The following ALPK2 variants were observed in gnomAD, a reference collection of about 807,000 sequenced individuals.
ALPK2 encodes alpha-protein kinase 2.
Under a neutral mutation model 163.1 loss-of-function variants are expected in ALPK2, and 127 were observed. The ratio of observed to expected loss-of-function variants is 0.78; its 90% CI spans 0.67 to 0.90. The LOEUF is 0.90. ALPK2 is among the 40% of genes least tolerant of loss of function. ALPK2 has a pLI of 0.00. For synonymous variants in ALPK2, 953 were observed against 959.1 expected (o/e 0.99, Z 0.12); for missense variants, 2,360 against 2,589.6 (o/e 0.91, Z 1.92).
At chr18:58,584,082 T>G (rs2051973858) in intron 3 of ALPK2, among the ~76,000 whole-genome samples, 1 of 152,036 alleles carries the variant, frequency 6.6e-6, no homozygotes, top group South Asian at 2.1e-4. Context: ...TTTAAATTCT[T>G]AACAACTAAA....
At chr18:58,521,625 C>CTTTTTTTTTT (rs1375364902) in intron 8 of ALPK2, among the ~76,000 whole-genome samples, 4 of 50,560 alleles carry the variant, frequency 7.9e-5, no homozygotes, top group East Asian at 3.9e-4. Context: ...CTTTCTCTCT[C>CTTTTTTTTTT]TCTTTTTTTT....
chr18:58,608,240 TGAAGAGTTTG>T (rs1450612694), intron 2 of ALPK2, among the ~76,000 whole-genome samples: 1 of 152,212 alleles, frequency 6.6e-6, no homozygotes, highest in Non-Finnish European at 1.5e-5. Flanking sequence ...TTCCTGAGGA[TGAAGAGTTTG>T]GAATGTAGGC....
At chr18:58,600,782 A>C (rs2052065270) in intron 3 of ALPK2, 1 of 152,056 alleles carries the variant, frequency 6.6e-6, no homozygotes, top group African/African-American at 2.4e-5. Context: ...CTGGGTGAGC[A>C]CTCTCTGGTT....
chr18:58,517,866 G>A (rs868826213), intron 8 of ALPK2, among the ~76,000 whole-genome samples: 20 of 149,880 alleles, frequency 1.3e-4, no homozygotes, highest in Non-Finnish European at 2.2e-4. Flanking sequence ...AAGAGAAATC[G>A]AAAAAAAGGT....
rs2051661703 is a variant in ALPK2, at chr18:58,537,756, C to T, written c.2431G>A (p.Asp811Asn). The T allele has an allele frequency of 6.2e-7, 1 of 1,614,010 alleles. No individual in the cohort carries two copies. The highest frequency in any genetic ancestry group is 1.6e-4 in the Middle Eastern group (1 of 6,084). ...ATGGTATCAAAACACGTTCCTTGGT[C>T]ACCAGCCTCAAAACACTCCATTGCA... ...VCAMECFEAGDQGTCFDTIDS... is the reference protein window; with the variant it reads ...VCAMECFEAGNQGTCFDTIDS... Residue 811 changes from aspartate (D) to asparagine (N), a missense_variant, in exon 5 of 13, where the codon GAC becomes AAC. Transcript: ENST00000361673.
intron 4 of ALPK2, among the ~76,000 whole-genome samples, chr18:58,551,094 C>G (rs879693826): frequency 2.0e-5 from 3 of 147,246 alleles, no homozygotes; most frequent in Non-Finnish European, 4.5e-5. Flanking sequence ...TTTAGAAGGT[C>G]CCAGAAACAA....
chr18:58,569,208 G>T (rs1012619343), intron 4 of ALPK2, among the ~76,000 whole-genome samples: 3 of 152,158 alleles, frequency 2.0e-5, no homozygotes, highest in Non-Finnish European at 2.9e-5. Flanking sequence ...TCTTGGGGGG[G>T]AGAAAAAGTT....
intron 1 of ALPK2, among the ~76,000 whole-genome samples, chr18:58,622,196 A>G (rs2052205137): frequency 6.6e-6 from 1 of 151,788 alleles, no homozygotes; most frequent in Non-Finnish European, 1.5e-5. Context: ...AAAATACAAA[A>G]ATTAGCCGGG....
chr18:58,580,683 G>A, intron 3 of ALPK2, 135 bp from the exon 4 acceptor site: 1 of 919,698 alleles, frequency 1.1e-6, no homozygotes. Context: ...CCCTGGAAAA[G>A]AGTTTGTGGC....
At chr18:58,623,374 T>C (rs2052212443) in intron 1 of ALPK2, among the ~76,000 whole-genome samples, 1 of 152,028 alleles carries the variant, frequency 6.6e-6, no homozygotes, top group Non-Finnish European at 1.5e-5. Flanking sequence ...TCTAATCTTG[T>C]TCTAGTAAAT....
intron 4 of ALPK2, among the ~76,000 whole-genome samples, chr18:58,540,623 G>A (rs1410422459): frequency 1.3e-5 from 2 of 152,084 alleles, no homozygotes; most frequent in African/African-American, 4.8e-5. Flanking sequence ...GGAACTTCCT[G>A]GTCATTATGT....
At chr18:58,578,394 A>G (rs1406267698) in intron 4 of ALPK2, 1 of 157,960 alleles carries the variant, frequency 6.3e-6, no homozygotes, top group African/African-American at 2.4e-5. Flanking sequence ...GCAAATGACT[A>G]AAAACAATGT....
At position 58,578,916 on chromosome 18, in the gene ALPK2, G is replaced by C. The variant is rs2051938399; in HGVS notation, c.1860C>G (p.Asp620Glu). Residue 620 changes from aspartate (D) to glutamate (E), a missense_variant, in exon 4 of 13, where the codon GAC (aspartate) becomes GAG (glutamate). Transcript: ENST00000361673. ...QEAKTLQTST[D>E]SVSKEGNTNC... ...TTGTGTTGCCTTCTTTGGAGACTGA[G>C]TCTGTTGAAGTTTGAAGGGTTTTTG... 6.2e-7 allele frequency: 1 copy of C among 1,614,086 alleles called. No individual in the cohort carries two copies. The highest frequency in any genetic ancestry group is 1.3e-5 in the African/African-American group (1 of 74,920).
chr18:58,506,461 T>C (rs1469816324), intron 10 of ALPK2, among the ~76,000 whole-genome samples: 2 of 151,904 alleles, frequency 1.3e-5, no homozygotes, highest in Non-Finnish European at 2.9e-5. Flanking sequence ...AAGAGCTCAT[T>C]TGCCCCCACC....
At chr18:58,498,647 TG>T (rs2051413994) in intron 11 of ALPK2, among the ~76,000 whole-genome samples, 1 of 152,206 alleles carries the variant, frequency 6.6e-6, no homozygotes, top group Non-Finnish European at 1.5e-5. Context: ...AGGGACCCAG[TG>T]GGAGATAATT....
At chr18:58,492,169 C>T (rs141903024) in intron 12 of ALPK2, among the ~76,000 whole-genome samples, 33 of 146,544 alleles carry the variant, frequency 2.3e-4, no homozygotes, top group African/African-American at 8.1e-4. Flanking sequence ...ACACAACACA[C>T]AGAGGCAGAC....
intron 11 of ALPK2, among the ~76,000 whole-genome samples, chr18:58,501,694 A>G (rs1322040541): frequency 1.3e-5 from 2 of 152,226 alleles, no homozygotes; most frequent in Non-Finnish European, 2.9e-5. Context: ...TAGCTGAGTG[A>G]CAGCAGACAG....
chr18:58,506,538 A>T (rs959285488), intron 10 of ALPK2, among the ~76,000 whole-genome samples: 1 of 152,108 alleles, frequency 6.6e-6, no homozygotes. Flanking sequence ...TCATTCAATG[A>T]ACATCCACTG....
intron 1 of ALPK2, among the ~76,000 whole-genome samples, chr18:58,623,873 C>T (rs567730584): frequency 1.3e-5 from 2 of 152,116 alleles, no homozygotes; most frequent in Non-Finnish European, 2.9e-5. Context: ...TAAATTTTTT[C>T]TGGCTTACCT....
Sources: gnomAD v4.1 joint callset for allele counts (sites outside exome capture counted in the v4.1 genomes callset) on GRCh38, gnomAD v4.1.1 for gene constraint, MANE v1.5 for transcripts, NCBI Gene and HGNC (gene_info 2026-07-23, HGNC 2026-07-21) for gene names.